NCOA1: variants seen among roughly 807,000 people sequenced by gnomAD.
The protein encoded by NCOA1 is nuclear receptor coactivator 1, also known as Hin-2 protein.
A neutral mutation model predicts 150.9 loss-of-function variants in NCOA1; 35 were observed. That is an observed-to-expected ratio of 0.23 (90% CI 0.18 to 0.31). The LOEUF (loss-of-function observed/expected upper bound fraction) is 0.31. Among genes scored for constraint, NCOA1 ranks in the 10% least tolerant of loss-of-function variants. The pLI is 1.00. For missense variants in NCOA1, 1,491 were observed against 1,749.3 expected (o/e 0.85, Z 2.63); for synonymous variants, 590 against 630.0 (o/e 0.94, Z 0.95).
At chr2:24,569,824 C>T (rs1323753400) in intron 2 of NCOA1, among the ~76,000 whole-genome samples, 5 of 147,668 alleles carry the variant, frequency 3.4e-5, no homozygotes, top group African/African-American at 7.5e-5. Context: ...GAGCCAAGAT[C>T]GCGCCACTGC....
intron 14 of NCOA1, among the ~76,000 whole-genome samples, chr2:24,720,382 A>G (rs998355987): frequency 1.3e-5 from 2 of 152,214 alleles, no homozygotes; most frequent in African/African-American, 4.8e-5. Context: ...TAGCTTTGCA[A>G]GTTGTGAAAG....
chr2:24,753,202 C>T (rs181753819), intron 20 of NCOA1, among the ~76,000 whole-genome samples: 1 of 152,224 alleles, frequency 6.6e-6, no homozygotes, highest in East Asian at 1.9e-4. Context: ...TTCCTAAACT[C>T]ACTCTGGATT....
intron 7 of NCOA1, among the ~76,000 whole-genome samples, chr2:24,678,179 C>T (rs1672005246): frequency 1.3e-5 from 2 of 152,162 alleles, no homozygotes; most frequent in Non-Finnish European, 2.9e-5. Context: ...AGAATAACAG[C>T]TTCCAACTCC....
chr2:24,667,436 C>A (rs979547654), intron 6 of NCOA1, among the ~76,000 whole-genome samples: 1 of 151,976 alleles, frequency 6.6e-6, no homozygotes, highest in Non-Finnish European at 1.5e-5. Flanking sequence ...GAACAAAAAG[C>A]CAGGTATTGG....
intron 11 of NCOA1, among the ~76,000 whole-genome samples, chr2:24,704,264 A>C (rs1673302363): frequency 6.6e-6 from 1 of 152,214 alleles, no homozygotes; most frequent in Non-Finnish European, 1.5e-5. Flanking sequence ...TGAAAAGTTA[A>C]ATTTGAATAT....
At chr2:24,594,389 C>A (rs1462803971) in intron 3 of NCOA1, among the ~76,000 whole-genome samples, 1 of 152,030 alleles carries the variant, frequency 6.6e-6, no homozygotes, top group East Asian at 1.9e-4. Flanking sequence ...GTATTGCTGT[C>A]ACAATTGGGG....
chr2:24,573,064 A>G (rs1666805784), intron 2 of NCOA1, among the ~76,000 whole-genome samples: 2 of 152,184 alleles, frequency 1.3e-5, no homozygotes, highest in Non-Finnish European at 2.9e-5. Flanking sequence ...GAGGTACTCA[A>G]TTTAACTTTT....
intron 1 of NCOA1, among the ~76,000 whole-genome samples, chr2:24,560,002 A>C (rs182727130): frequency 1.3e-5 from 2 of 152,222 alleles, no homozygotes; most frequent in African/African-American, 4.8e-5. Flanking sequence ...TTGGGGAATC[A>C]GGCTTCAGCC....
intron 1 of NCOA1, among the ~76,000 whole-genome samples, chr2:24,504,744 G>A (rs1413244642): frequency 6.6e-6 from 1 of 152,146 alleles, no homozygotes; most frequent in East Asian, 1.9e-4. Context: ...GAAACAGAAA[G>A]TGAATATTTG....
chr2:24,575,229 TAAGTTA>T (rs1666905943), intron 2 of NCOA1, among the ~76,000 whole-genome samples: 1 of 152,192 alleles, frequency 6.6e-6, no homozygotes, highest in Non-Finnish European at 1.5e-5. Flanking sequence ...GCTATATCTT[TAAGTTA>T]ACTAAGTGTT....
chr2:24,552,313 C>CAT (rs1665859680), intron 1 of NCOA1, among the ~76,000 whole-genome samples: 1 of 80,256 alleles, frequency 1.2e-5, no homozygotes, highest in Non-Finnish European at 2.3e-5. Flanking sequence ...CACTGTGCTT[C>CAT]ATATATATTA....
chr2:24,519,968 G>C (rs986685688), intron 1 of NCOA1, among the ~76,000 whole-genome samples: 7 of 152,124 alleles, frequency 4.6e-5, no homozygotes, highest in Non-Finnish European at 7.4e-5. Context: ...CCTGTACAGA[G>C]AGTTTACTAA....
chr2:24,528,341 A>ATTCTTTTT (rs1447304877), intron 1 of NCOA1, among the ~76,000 whole-genome samples: 2 of 98,658 alleles, frequency 2.0e-5, no homozygotes, highest in Admixed American at 1.3e-4. Context: ...GTCCAATTTC[A>ATTCTTTTT]TTCTTTTTTT....
chr2:24,701,279 G>A (rs1485310528), intron 11 of NCOA1, among the ~76,000 whole-genome samples: 2 of 152,056 alleles, frequency 1.3e-5, no homozygotes, highest in African/African-American at 4.8e-5. Context: ...TGAGACAGGA[G>A]GATTGCTTGA....
intron 1 of NCOA1, among the ~76,000 whole-genome samples, chr2:24,551,184 T>C (rs1305513373): frequency 2.0e-5 from 3 of 152,090 alleles, no homozygotes; most frequent in East Asian, 1.9e-4. Context: ...CCAGGCAAGA[T>C]TGGTTCTGTT....
chr2:24,673,331 C>A, intron 6 of NCOA1, 35 bp from the exon 7 acceptor site: 1 of 1,390,812 alleles, frequency 7.2e-7, no homozygotes, highest in Non-Finnish European at 9.7e-7. Context: ...AAGCTCTTTT[C>A]AGATATGTGA....
chr2:24,517,012 A>ATG (rs1664229327), intron 1 of NCOA1, among the ~76,000 whole-genome samples: 2 of 145,318 alleles, frequency 1.4e-5, no homozygotes, highest in African/African-American at 5.2e-5. Flanking sequence ...GCGCACACAC[A>ATG]CACACACACA....
intron 1 of NCOA1, among the ~76,000 whole-genome samples, chr2:24,513,462 C>G (rs1418116744): frequency 6.6e-6 from 1 of 151,698 alleles, no homozygotes; most frequent in Admixed American, 6.6e-5. Flanking sequence ...TTTACTTACT[C>G]ACGCTCCTCT....
chr2:24,709,026 G>C (rs547712750), intron 13 of NCOA1, among the ~76,000 whole-genome samples: 7 of 152,190 alleles, frequency 4.6e-5, no homozygotes, highest in African/African-American at 1.7e-4. Context: ...TATCATCTCT[G>C]TTTACTCTTT....
Sources: gnomAD v4.1 joint callset for allele counts (sites outside exome capture counted in the v4.1 genomes callset) on GRCh38, gnomAD v4.1.1 for gene constraint, MANE v1.5 for transcripts, NCBI Gene and HGNC (gene_info 2026-07-23, HGNC 2026-07-21) for gene names.